Variants in PPP1R9A observed in about 807,000 individuals in gnomAD.
PPP1R9A encodes the protein protein phosphatase 1 regulatory subunit 9A.
In PPP1R9A, 59 loss-of-function variants were observed where a neutral mutation model predicts 141.9. The ratio of observed to expected loss-of-function variants is 0.42; its 90% CI spans 0.34 to 0.52. The LOEUF (loss-of-function observed/expected upper bound fraction) is 0.52, where lower values mean the gene tolerates loss of function less well. Ranked by LOEUF, PPP1R9A falls within the 20% of genes least tolerant of loss-of-function variation. The probability of loss-of-function intolerance (pLI) is 0.10; values close to 1 mark genes in which losing one functional copy is unlikely to be tolerated. For missense variants in PPP1R9A, 1,444 were observed against 1,611.9 expected, an observed-to-expected ratio of 0.90 and a Z score of 1.78; for synonymous variants, 500 against 569.7, an observed-to-expected ratio of 0.88 and a Z score of 1.74.
chr7:95,050,132 C>A (rs760965754), intron 2 of PPP1R9A, among the ~76,000 whole-genome samples: 8 of 152,154 alleles, frequency 5.3e-5, no homozygotes, highest in Non-Finnish European at 1.2e-4. Flanking sequence ...TGTTGTATCA[C>A]GTCCTTAGCA....
In PPP1R9A at chr7:95,153,270, C is replaced by A. The variant is rs74641785; in HGVS notation, c.1650-8597C>A. Among the ~76,000 whole-genome samples, 24 of 152,228 alleles carry A rather than the reference C, an allele frequency of 1.6e-4. No homozygotes were observed. In the East Asian group the frequency reaches 4.6e-3, roughly 29 times the overall value. On this transcript the variant is annotated intron_variant, in intron 4 of 19. Coordinates refer to ENST00000433360, the MANE Select transcript of PPP1R9A (RefSeq NM_001166160.2). ...AAGAAGTAGAGTTGTATATTGTAAG[C>A]GCTATGCTTGCTATTCAAGATCTTG...
At chr7:94,927,395 A>G (rs905501612) in intron 2 of PPP1R9A, among the ~76,000 whole-genome samples, 4 of 152,174 alleles carry the variant, frequency 2.6e-5, no homozygotes, top group Non-Finnish European at 5.9e-5. Context: ...GGTTCATTAT[A>G]TTATTTGAAT....
At chr7:95,287,200 T>C in intron 18 of PPP1R9A, 2 of 1,540,870 alleles carry the variant, frequency 1.3e-6, no homozygotes, top group African/African-American at 1.4e-5. Context: ...TTTCGCTCTT[T>C]GGAGATGACT....
Position 95,288,523 on chromosome 7 carries a change from A to T in PPP1R9A, c.3730-13A>T, listed in dbSNP as rs1214672916. The T allele has an allele frequency of 1.2e-6, 2 of 1,612,934 alleles. No individual in the cohort carries two copies. Among genetic ancestry groups the T allele is most frequent in the Non-Finnish European group, 1.7e-6 (2 of 1,179,580 alleles). The stretch of plus-strand genomic sequence containing the variant: ...TGGTCCTTTAACAACACTACGTAAC[A>T]TTCCTATCTTAGATCCTTGATGATG... On this transcript the variant is annotated splice_polypyrimidine_tract_variant and intron_variant, in intron 18 of 19. Coordinates refer to ENST00000433360, the MANE Select transcript of PPP1R9A (RefSeq NM_001166160.2).
At chr7:95,103,349 T>G (rs1045886199) in intron 2 of PPP1R9A, among the ~76,000 whole-genome samples, 1 of 147,690 alleles carries the variant, frequency 6.8e-6, no homozygotes, top group South Asian at 2.1e-4. Flanking sequence ...GTATGTTTGG[T>G]TTTTTTTCAC....
chr7:95,267,963 A>G (rs1477775478), intron 12 of PPP1R9A, among the ~76,000 whole-genome samples: 1 of 152,158 alleles, frequency 6.6e-6, no homozygotes, highest in Non-Finnish European at 1.5e-5. Flanking sequence ...TTTGCTGATT[A>G]GGTAAATTCC....
intron 2 of PPP1R9A, among the ~76,000 whole-genome samples, chr7:94,958,299 A>G (rs1169925877): frequency 1.3e-5 from 2 of 151,994 alleles, no homozygotes; most frequent in Non-Finnish European, 2.9e-5. Context: ...GCTCTATCAT[A>G]TCACTCTTTT....
intron 2 of PPP1R9A, among the ~76,000 whole-genome samples, chr7:95,103,359 CTTCT>C (rs1283288518): frequency 9.2e-5 from 7 of 76,354 alleles, no homozygotes; most frequent in Non-Finnish European, 1.8e-4. Flanking sequence ...TTTTTTTTCA[CTTCT>C]TTTTTTTTTT....
intron 10 of PPP1R9A, among the ~76,000 whole-genome samples, 195 bp downstream of exon 10, chr7:95,250,450 G>A (rs148384767): frequency 6.6e-6 from 1 of 152,054 alleles, no homozygotes; most frequent in African/African-American, 2.4e-5. Context: ...ATTATGTTTT[G>A]TATATTTTAT....
intron 7 of PPP1R9A, among the ~76,000 whole-genome samples, chr7:95,215,871 A>G (rs568793434): frequency 1.3e-3 from 205 of 152,256 alleles, no homozygotes; most frequent in South Asian, 2.5e-3. Context: ...TCTGGATATT[A>G]GCCCTTTGTC....
Position 95,288,652 on chromosome 7 carries a change from A to G in PPP1R9A, c.3846A>G (p.Val1282=), listed in dbSNP as rs753329289. The change falls in exon 19 of 20, where the codon GTA becomes GTG. Residue 1282 remains valine, a synonymous_variant. Coordinates refer to ENST00000433360, the MANE Select transcript of PPP1R9A (RefSeq NM_001166160.2). ...WLMSLNLEQY[V]SEFSAQNITG... is the part of the protein sequence containing the mutation. ...TGAGCCTAAATCTGGAGCAGTATGTATCTGAATTCAGTGCCCAAAACATCA... is the reference window on the plus strand; with the variant it reads ...TGAGCCTAAATCTGGAGCAGTATGTGTCTGAATTCAGTGCCCAAAACATCA... 9 of 1,614,010 alleles carry G rather than the reference A, an allele frequency of 5.6e-6. No homozygotes were observed. The highest frequency in any genetic ancestry group is 1.3e-5 in the African/African-American group (1 of 74,914).
Position 95,063,688 on chromosome 7 carries a change from G to A in PPP1R9A, c.1396-47571G>A, listed in dbSNP as rs192211546. 2.0e-3 allele frequency among the ~76,000 whole-genome samples: 298 copies of A among 152,272 alleles called. 2 individuals carry two copies. The highest frequency in any genetic ancestry group is 6.6e-3 in the African/African-American group (274 of 41,548). ...TTTGCATATTGGATGCTACTTTGGC[G>A]TGCACTTGTACACTATAAACAGTTT... On this transcript the variant is annotated intron_variant, in intron 2 of 19. Transcript: ENST00000433360.
chr7:94,980,519 G>A (rs1385673490), intron 2 of PPP1R9A, among the ~76,000 whole-genome samples: 1 of 151,836 alleles, frequency 6.6e-6, no homozygotes, highest in East Asian at 1.9e-4. Flanking sequence ...GTGTGGTGAC[G>A]CAACCTCCTG....
chr7:95,103,362 C>CTTTTTTTTTTTTTT (rs897838647), intron 2 of PPP1R9A, among the ~76,000 whole-genome samples: 1,976 of 88,540 alleles, frequency 0.022, 347 homozygotes, highest in African/African-American at 0.031. Flanking sequence ...TTTTTCACTT[C>CTTTTTTTTTTTTTT]TTTTTTTTTT....
At chr7:95,136,261 CAACAT>C (rs1247678877) in intron 4 of PPP1R9A, among the ~76,000 whole-genome samples, 1 of 152,084 alleles carries the variant, frequency 6.6e-6, no homozygotes, top group Admixed American at 6.6e-5. Flanking sequence ...CATCTTTACA[CAACAT>C]AATAACTTTT....
chr7:95,050,368 C>T (rs1360067051), intron 2 of PPP1R9A, among the ~76,000 whole-genome samples: 1 of 152,122 alleles, frequency 6.6e-6, no homozygotes, highest in Non-Finnish European at 1.5e-5. Context: ...AGATAATACT[C>T]CTTTATCTGA....
At chr7:95,136,688 A>G (rs1440070581) in intron 4 of PPP1R9A, among the ~76,000 whole-genome samples, 1 of 152,214 alleles carries the variant, frequency 6.6e-6, no homozygotes, top group Non-Finnish European at 1.5e-5. Context: ...TATCAGAAAT[A>G]CTTTCCTAAT....
chr7:95,087,740 C>T (rs934900349), intron 2 of PPP1R9A, among the ~76,000 whole-genome samples: 1 of 151,734 alleles, frequency 6.6e-6, no homozygotes, highest in African/African-American at 2.4e-5. Flanking sequence ...ACTAAAACTA[C>T]AAAAATTAGC....
At chr7:94,958,484 G>A (rs1288095097) in intron 2 of PPP1R9A, among the ~76,000 whole-genome samples, 1 of 151,970 alleles carries the variant, frequency 6.6e-6, no homozygotes, top group Non-Finnish European at 1.5e-5. Context: ...TATTCACCAA[G>A]TGAATGGGTA....
Sources: allele counts gnomAD v4.1 joint callset (sites outside exome capture counted in the v4.1 genomes callset), GRCh38; gene constraint gnomAD v4.1.1; transcripts MANE v1.5; gene names NCBI Gene and HGNC (gene_info 2026-07-23, HGNC 2026-07-21).